The following BARD1 variants were observed in gnomAD, a reference collection of about 807,000 sequenced individuals.
The protein encoded by BARD1 is BRCA1-associated RING domain protein 1.
BARD1 carries 73 observed loss-of-function variants against 77.0 expected under a neutral mutation model. That is an observed-to-expected ratio of 0.95 (90% CI 0.79 to 1.15). The LOEUF is 1.15. Among genes scored for constraint, BARD1 ranks in the 50% most tolerant of loss-of-function variants. The pLI, the probability that BARD1 is intolerant of heterozygous loss-of-function variation, is 0.00. For synonymous variants in BARD1, 384 were observed against 338.0 expected, an observed-to-expected ratio of 1.14 and a Z score of -1.49; for missense variants, 993 against 938.8, an observed-to-expected ratio of 1.06 and a Z score of -0.75.
At position 214,745,970 on chromosome 2, in the gene BARD1, T is replaced by A. The variant is rs1387440031; in HGVS notation, c.1678-116A>T. The A allele has an allele frequency of 5.8e-6, 7 of 1,214,960 alleles. No homozygotes were observed. In the East Asian group the frequency reaches 1.7e-4, roughly 29 times the overall value. 75.3% of individuals were successfully genotyped at this position (1,214,960 alleles called of 1,614,324 possible). A position where few individuals can be genotyped will look rare whatever the true frequency, so the allele number is the denominator to read the frequency against. On this transcript the variant is annotated intron_variant, in intron 7 of 10. Transcript: ENST00000260947. ...TTCATTACTTAGTTTACTCTAATAATTTTCAATTATTTCCATTGAATCTAC... is the reference window on the plus strand; with the variant it reads ...TTCATTACTTAGTTTACTCTAATAAATTTCAATTATTTCCATTGAATCTAC...
At chr2:214,782,386 G>A (rs951689960) in intron 3 of BARD1, among the ~76,000 whole-genome samples, 5 of 151,990 alleles carry the variant, frequency 3.3e-5, no homozygotes, top group African/African-American at 9.7e-5. Flanking sequence ...GAGCACAAGA[G>A]GGGCTTCCAG....
chr2:214,766,444 T>C (rs1053815360), intron 6 of BARD1, among the ~76,000 whole-genome samples: 1 of 152,206 alleles, frequency 6.6e-6, no homozygotes, highest in African/African-American at 2.4e-5. Flanking sequence ...ATTTCTACAA[T>C]AACTGCTTAT....
At chr2:214,795,876 CG>C (rs1359601321) in intron 2 of BARD1, among the ~76,000 whole-genome samples, 1 of 152,116 alleles carries the variant, frequency 6.6e-6, no homozygotes, top group Non-Finnish European at 1.5e-5. Context: ...TCCAAACAGA[CG>C]TATCTGGTAG....
intron 1 of BARD1, 92 bp downstream of exon 1, chr2:214,809,320 G>A (rs1696443785): frequency 3.2e-6 from 5 of 1,548,400 alleles, no homozygotes; most frequent in Admixed American, 1.8e-5. Context: ...GGGAACGGAA[G>A]GAGGAAACGG....
At chr2:214,789,897 A>T (rs1278213029) in intron 3 of BARD1, among the ~76,000 whole-genome samples, 1 of 152,170 alleles carries the variant, frequency 6.6e-6, no homozygotes, top group Non-Finnish European at 1.5e-5. Context: ...TCCTAATTAT[A>T]ATAAGGAAAA....
At chr2:214,787,153 A>C (rs1325734196) in intron 3 of BARD1, among the ~76,000 whole-genome samples, 4 of 151,902 alleles carry the variant, frequency 2.6e-5, no homozygotes, top group African/African-American at 9.7e-5. Context: ...TTTTTGAAAA[A>C]CTTTAAAAAT....
chr2:214,754,144 T>C (rs55724102), intron 6 of BARD1, among the ~76,000 whole-genome samples: 33 of 152,030 alleles, frequency 2.2e-4, no homozygotes, highest in Non-Finnish European at 3.7e-4. Context: ...GCTATACATA[T>C]GACAATCAAA....
intron 4 of BARD1, among the ~76,000 whole-genome samples, chr2:214,773,936 C>T (rs990436102): frequency 6.6e-6 from 1 of 152,174 alleles, no homozygotes; most frequent in Non-Finnish European, 1.5e-5. Context: ...GCTGTTTTAT[C>T]AACTAAGATG....
intron 6 of BARD1, among the ~76,000 whole-genome samples, chr2:214,761,170 T>G (rs1693946337): frequency 6.6e-6 from 1 of 151,994 alleles, no homozygotes. Context: ...TAGAGAGATC[T>G]CCAAAAATTA....
chr2:214,807,880 T>A (rs1243265275), intron 1 of BARD1, among the ~76,000 whole-genome samples: 4 of 152,218 alleles, frequency 2.6e-5, no homozygotes, highest in African/African-American at 4.8e-5. Flanking sequence ...ACTATCAAGG[T>A]GTGAACTATA....
intron 7 of BARD1, among the ~76,000 whole-genome samples, chr2:214,751,859 C>A (rs1220786324): frequency 6.6e-6 from 1 of 152,172 alleles, no homozygotes; most frequent in African/African-American, 2.4e-5. Flanking sequence ...TTTTGATGCT[C>A]GCTAGTCTCC....
intron 1 of BARD1, among the ~76,000 whole-genome samples, chr2:214,803,337 G>A (rs1238507342): frequency 1.3e-5 from 2 of 152,176 alleles, no homozygotes; most frequent in Non-Finnish European, 2.9e-5. Context: ...TAGTATAAGA[G>A]GAAGGCAAGC....
rs539563645 is a variant in BARD1 at position 214,809,303 on chromosome 2, G to A, written c.158+109C>T. 3.4e-6 allele frequency: 5 copies of A among 1,485,648 alleles called. No individual in the cohort carries two copies. In the East Asian group the frequency reaches 1.2e-4, roughly 36 times the overall value. 92.0% of individuals were successfully genotyped at this position (1,485,648 alleles called of 1,614,324 possible). A position where few individuals can be genotyped will look rare whatever the true frequency, so the allele number is the denominator to read the frequency against. ...GTGCTAACCGCACGCCGACCCGACT[G>A]CAGCGCGGGAACGGAAGGAGGAAAC... On this transcript the variant is annotated intron_variant, in intron 1 of 10. Transcript: ENST00000260947.
intron 9 of BARD1, among the ~76,000 whole-genome samples, chr2:214,736,491 T>TGTA (rs1692570820): frequency 6.6e-6 from 1 of 152,146 alleles, no homozygotes; most frequent in Non-Finnish European, 1.5e-5. Flanking sequence ...GGACTGAACA[T>TGTA]TCTTATGATA....
chr2:214,744,788 G>A (rs902618201), intron 9 of BARD1, among the ~76,000 whole-genome samples: 2 of 151,874 alleles, frequency 1.3e-5, no homozygotes, highest in African/African-American at 4.8e-5. Flanking sequence ...CCGCCACCAC[G>A]CCCGGCTAAT....
At chr2:214,736,122 C>T (rs1025340015) in intron 9 of BARD1, among the ~76,000 whole-genome samples, 2 of 151,874 alleles carry the variant, frequency 1.3e-5, no homozygotes, top group African/African-American at 4.8e-5. Flanking sequence ...CTAAAAAAGG[C>T]ATAAATTTTA....
intron 7 of BARD1, among the ~76,000 whole-genome samples, chr2:214,752,071 G>A (rs904340166): frequency 1.3e-5 from 2 of 152,096 alleles, no homozygotes; most frequent in African/African-American, 2.4e-5. Flanking sequence ...TCCACCCAAC[G>A]ACACTCTACA....
intron 4 of BARD1, 32 bp downstream of exon 4, chr2:214,780,528 T>C (rs1278895486): frequency 6.3e-7 from 1 of 1,595,790 alleles, no homozygotes; most frequent in Non-Finnish European, 8.6e-7. Flanking sequence ...TTGGCCTCAT[T>C]CTGAGATGGT....
At chr2:214,750,759 A>G (rs971477231) in intron 7 of BARD1, among the ~76,000 whole-genome samples, 3 of 152,086 alleles carry the variant, frequency 2.0e-5, no homozygotes, top group Non-Finnish European at 4.4e-5. Flanking sequence ...TCTCTTTTTC[A>G]GTTGGCCACT....
Sources: allele counts gnomAD v4.1 joint callset (sites outside exome capture counted in the v4.1 genomes callset), GRCh38; gene constraint gnomAD v4.1.1; transcripts MANE v1.5; gene names NCBI Gene and HGNC (gene_info 2026-07-23, HGNC 2026-07-21).